Variants in CHD7 observed in about 807,000 individuals in gnomAD.
The protein encoded by CHD7 is chromodomain helicase DNA binding protein 7.
In CHD7, 24 loss-of-function variants were observed where a neutral mutation model predicts 307.3. The observed-to-expected ratio is 0.08, with a 90% confidence interval of 0.06 to 0.11. The LOEUF (loss-of-function observed/expected upper bound fraction) is 0.11. Among genes scored for constraint, CHD7 ranks in the 10% least tolerant of loss-of-function variants. The pLI is 1.00. For synonymous variants in CHD7, 1,363 were observed against 1,349.9 expected (o/e 1.01, Z -0.21); for missense variants, 3,106 against 3,727.1 (o/e 0.83, Z 4.34).
intron 1 of CHD7, among the ~76,000 whole-genome samples, chr8:60,734,625 T>C (rs960939543): frequency 1.3e-5 from 2 of 151,994 alleles, no homozygotes; most frequent in Non-Finnish European, 2.9e-5. Context: ...GAAGAGACCA[T>C]GGGTGTGAAG....
chr8:60,764,897 G>T (rs1187638064), intron 2 of CHD7, among the ~76,000 whole-genome samples: 1 of 152,200 alleles, frequency 6.6e-6, no homozygotes, highest in Non-Finnish European at 1.5e-5. Flanking sequence ...AGCAAATGTT[G>T]CAATATTGCC....
At chr8:60,818,173 G>A (rs1406286040) in intron 8 of CHD7, among the ~76,000 whole-genome samples, 1 of 152,152 alleles carries the variant, frequency 6.6e-6, no homozygotes, top group Admixed American at 6.5e-5. Context: ...ACATGATCAT[G>A]GCTTCAGGTG....
chr8:60,728,530 T>C (rs1808281066), intron 1 of CHD7, among the ~76,000 whole-genome samples: 1 of 152,178 alleles, frequency 6.6e-6, no homozygotes, highest in East Asian at 1.9e-4. Context: ...AGGCAAGGTC[T>C]TTCTTTCTTT....
intron 1 of CHD7, among the ~76,000 whole-genome samples, chr8:60,711,658 A>T (rs561117048): frequency 6.6e-6 from 1 of 152,368 alleles, no homozygotes; most frequent in East Asian, 1.9e-4. Flanking sequence ...GATTTGGAAG[A>T]TGTCAAGTAC....
chr8:60,735,635 A>G (rs975548428), intron 1 of CHD7, among the ~76,000 whole-genome samples: 3 of 152,248 alleles, frequency 2.0e-5, no homozygotes, highest in Non-Finnish European at 4.4e-5. Context: ...AAAATATGAT[A>G]TATGGAAAAA....
intron 1 of CHD7, among the ~76,000 whole-genome samples, chr8:60,695,524 C>A (rs373892424): frequency 6.6e-6 from 1 of 152,132 alleles, no homozygotes. Context: ...CTTGACCTTT[C>A]TTTTGGAGGT....
chr8:60,813,433 A>G (rs1193077787), intron 7 of CHD7, among the ~76,000 whole-genome samples: 1 of 152,198 alleles, frequency 6.6e-6, no homozygotes, highest in Non-Finnish European at 1.5e-5. Context: ...AACCTCAAAT[A>G]CAATATTGAA....
chr8:60,780,982 C>G lies in CHD7; in HGVS notation c.1666-18C>G. 1 of 1,509,660 alleles carries G rather than the reference C, an allele frequency of 6.6e-7. No homozygotes were observed. The highest frequency in any genetic ancestry group is 8.8e-7 in the Non-Finnish European group (1 of 1,133,818). 93.5% of individuals were successfully genotyped at this position (1,509,660 alleles called of 1,614,324 possible). On this transcript the variant is annotated intron_variant, in intron 2 of 37. Coordinates refer to ENST00000423902, the MANE Select transcript of CHD7 (RefSeq NM_017780.4). ...GAAGAATGATAAACTAATTTCAATT[C>G]CTATTTGTGTCTCTCAGCATTCCCC...
At chr8:60,708,835 A>C (rs1377076283) in intron 1 of CHD7, among the ~76,000 whole-genome samples, 1 of 152,078 alleles carries the variant, frequency 6.6e-6, no homozygotes, top group African/African-American at 2.4e-5. Context: ...CTTACCTTAT[A>C]TTGTCCTTTC....
chr8:60,757,387 T>G (rs997855982), intron 2 of CHD7, among the ~76,000 whole-genome samples: 5 of 152,234 alleles, frequency 3.3e-5, no homozygotes, highest in African/African-American at 1.2e-4. Context: ...TTCAAACTTT[T>G]TTGTCTCCTA....
chr8:60,822,807 A>G, intron 12 of CHD7, 61 bp downstream of exon 12: 1 of 1,420,858 alleles, frequency 7.0e-7, no homozygotes, highest in Non-Finnish European at 9.3e-7. Flanking sequence ...TGTTAAAAAA[A>G]AATCAAAGTC....
At chr8:60,848,954 G>A in intron 24 of CHD7, 97 bp from the exon 25 acceptor site, 1 of 983,138 alleles carries the variant, frequency 1.0e-6, no homozygotes, top group South Asian at 1.3e-5. Flanking sequence ...ATGCTCAGAT[G>A]TTTATCGTGG....
chr8:60,728,409 T>C (rs1026925109), intron 1 of CHD7, among the ~76,000 whole-genome samples: 4 of 152,232 alleles, frequency 2.6e-5, no homozygotes, highest in Non-Finnish European at 5.9e-5. Context: ...CATGTTTTTG[T>C]GGCAGGAGGA....
intron 1 of CHD7, among the ~76,000 whole-genome samples, chr8:60,699,833 C>CT (rs35196950): frequency 1.4e-4 from 20 of 146,748 alleles, no homozygotes; most frequent in African/African-American, 3.2e-4. Flanking sequence ...GATATTATTT[C>CT]TTTTTTTTTT....
At chr8:60,838,322 T>C (rs1482164743) in intron 19 of CHD7, 67 bp downstream of exon 19, 1 of 1,405,450 alleles carries the variant, frequency 7.1e-7, no homozygotes, top group African/African-American at 1.4e-5. Context: ...GAAAAGTACC[T>C]TGTAAAAGTG....
intron 13 of CHD7, 41 bp from the exon 14 acceptor site, chr8:60,828,622 T>G: frequency 6.4e-7 from 1 of 1,561,178 alleles, no homozygotes. Flanking sequence ...GAAAGTGTTT[T>G]TGTTACAATT....
intron 2 of CHD7, among the ~76,000 whole-genome samples, chr8:60,759,404 T>TCC (rs1586279480): frequency 6.6e-6 from 1 of 151,146 alleles, no homozygotes; most frequent in East Asian, 1.9e-4. Flanking sequence ...TCTCTCTCTC[T>TCC]CCGCCTCCCT....
Position 60,678,854 on chromosome 8 carries a change from G to T in CHD7, c.-403G>T. The stretch of plus-strand genomic sequence containing the variant: ...GTGGTGCGGACGCGCTCGTGCTCGG[G>T]AACTATCGGATTAAACTTGAATCGA... On this transcript the variant is annotated 5_prime_UTR_variant, in exon 1 of 38. Coordinates refer to ENST00000423902, the MANE Select transcript of CHD7 (RefSeq NM_017780.4). The T allele has an allele frequency of 6.7e-6, 1 of 150,128 alleles. No individual in the cohort carries two copies. The highest frequency in any genetic ancestry group is 1.8e-4 in the South Asian group (1 of 5,598). 9.3% of individuals were successfully genotyped at this position (150,128 alleles called of 1,614,324 possible). A position where few individuals can be genotyped will look rare whatever the true frequency, so the allele number is the denominator to read the frequency against.
intron 1 of CHD7, among the ~76,000 whole-genome samples, chr8:60,712,920 G>A (rs1807354662): frequency 6.6e-6 from 1 of 151,916 alleles, no homozygotes; most frequent in African/African-American, 2.4e-5. Context: ...GTGTGGTGGT[G>A]TGTGGCTGTA....
Sources: gnomAD v4.1 joint callset for allele counts (sites outside exome capture counted in the v4.1 genomes callset) on GRCh38, gnomAD v4.1.1 for gene constraint, MANE v1.5 for transcripts, NCBI Gene and HGNC (gene_info 2026-07-23, HGNC 2026-07-21) for gene names.